Variants in CGNL1 observed in about 807,000 individuals in gnomAD.
CGNL1 encodes the protein cingulin like 1.
In CGNL1, 132 loss-of-function variants were observed where a neutral mutation model predicts 141.2. The observed-to-expected ratio is 0.93, with a 90% confidence interval of 0.81 to 1.08. CGNL1 has a LOEUF of 1.08. Among genes scored for constraint, CGNL1 ranks in the 50% least tolerant of loss-of-function variants. The pLI, the probability that CGNL1 is intolerant of heterozygous loss-of-function variation, is 0.00. For missense variants in CGNL1, 1,870 were observed against 1,588.6 expected (o/e 1.18, Z -3.01); for synonymous variants, 690 against 622.1 (o/e 1.11, Z -1.63).
rs749831898 is a variant in CGNL1 at position 57,516,954 on chromosome 15, G to T, written c.2578G>T (p.Ala860Ser). Residue 860 changes from alanine to serine, a missense_variant, in exon 9 of 19, where the codon GCC (alanine) becomes TCC (serine). Coordinates refer to ENST00000281282, the MANE Select transcript of CGNL1 (RefSeq NM_032866.5). ...RQIEDLKGDE[A>S]KAKETLKKYE... ...GATCGAGGACCTGAAAGGCGATGAA[G>T]CCAAGGCGAAGGAAACGCTGAAGAA... The T allele has an allele frequency of 1.2e-6, 2 of 1,613,540 alleles. No homozygotes were observed. The highest frequency in any genetic ancestry group is 2.2e-5 in the South Asian group (2 of 91,050).
chr15:57,470,791 G>C (rs2063572401), intron 8 of CGNL1, among the ~76,000 whole-genome samples: 1 of 152,152 alleles, frequency 6.6e-6, no homozygotes, highest in Non-Finnish European at 1.5e-5. Context: ...ACAAAGTTAT[G>C]GTTGCTGTGG....
At chr15:57,492,908 C>G (rs2063886661) in intron 8 of CGNL1, among the ~76,000 whole-genome samples, 1 of 152,208 alleles carries the variant, frequency 6.6e-6, no homozygotes, top group South Asian at 2.1e-4. Flanking sequence ...AATAATTGTC[C>G]CAGAGTCTTG....
At chr15:57,498,552 T>C (rs920569746) in intron 8 of CGNL1, among the ~76,000 whole-genome samples, 2 of 152,144 alleles carry the variant, frequency 1.3e-5, no homozygotes, top group Admixed American at 6.5e-5. Context: ...TTTTCTTTTT[T>C]TGAGTATTTA....
intron 10 of CGNL1, among the ~76,000 whole-genome samples, chr15:57,522,776 A>G (rs1201587060): frequency 6.6e-6 from 1 of 152,216 alleles, no homozygotes; most frequent in African/African-American, 2.4e-5. Flanking sequence ...TATTGCACTC[A>G]AGATAGTTGT....
At chr15:57,522,606 A>T (rs144579711) in intron 10 of CGNL1, among the ~76,000 whole-genome samples, 1 of 152,192 alleles carries the variant, frequency 6.6e-6, no homozygotes, top group Non-Finnish European at 1.5e-5. Flanking sequence ...TCTTCTTATT[A>T]TCCTTGTACC....
chr15:57,482,867 C>A (rs1444097273), intron 8 of CGNL1, among the ~76,000 whole-genome samples: 1 of 152,046 alleles, frequency 6.6e-6, no homozygotes, highest in African/African-American at 2.4e-5. Context: ...TCACTGCAAC[C>A]TCTGCCTTCC....
At chr15:57,529,819 G>A (rs143568635) in intron 13 of CGNL1, among the ~76,000 whole-genome samples, 51 of 152,266 alleles carry the variant, frequency 3.3e-4, no homozygotes, top group South Asian at 6.2e-4. Flanking sequence ...TTTTCAAAAC[G>A]TCCAGGGGAC....
Position 57,546,284 on chromosome 15 carries a change from A to T in CGNL1, c.3773+45A>T, listed in dbSNP as rs1393731021. ...ACAGAGGGCCGGGTAATCTCCCCAC[A>T]GTTGAGACAGGCTCTGCTTTCAGAG... On this transcript the variant is annotated intron_variant, in intron 18 of 18. Transcript: ENST00000281282. 12 of 1,513,460 alleles carry T rather than the reference A, an allele frequency of 7.9e-6. No individual in the cohort carries two copies. In the East Asian group the frequency reaches 9.9e-5, roughly 12 times the overall value. The allele number at this position is 1,513,460 out of a possible 1,614,324, so 93.8% of individuals were successfully genotyped here.
chr15:57,386,026 G>A (rs1219405741), intron 1 of CGNL1, among the ~76,000 whole-genome samples: 2 of 152,254 alleles, frequency 1.3e-5, no homozygotes, highest in Non-Finnish European at 2.9e-5. Flanking sequence ...CTTAAGTAGG[G>A]TGGAAAGAAT....
At chr15:57,468,559 C>CGTGTGTGTGT (rs67758921) in intron 8 of CGNL1, among the ~76,000 whole-genome samples, 32 of 145,954 alleles carry the variant, frequency 2.2e-4, no homozygotes, top group African/African-American at 7.6e-4. Context: ...AAAAAGTTTG[C>CGTGTGTGTGT]GTGTGTGTGT....
chr15:57,545,356 T>C (rs1321882511), intron 16 of CGNL1, among the ~76,000 whole-genome samples: 5 of 152,258 alleles, frequency 3.3e-5, no homozygotes, highest in Admixed American at 3.3e-4. Context: ...GGTCGAGCCA[T>C]GGCTCAGCCC....
intron 6 of CGNL1, 101 bp from the exon 7 acceptor site, chr15:57,453,582 G>T: frequency 2.1e-6 from 3 of 1,458,738 alleles, no homozygotes; most frequent in South Asian, 1.3e-5. Flanking sequence ...GCTCCTTGGG[G>T]CTTTAGAGAC....
At chr15:57,531,579 A>T in intron 13 of CGNL1, 111 bp from the exon 14 acceptor site, 1 of 705,902 alleles carries the variant, frequency 1.4e-6, no homozygotes, top group South Asian at 1.7e-5. Context: ...CCAAACTCTA[A>T]TGGTAGTTAG....
At chr15:57,490,071 C>A (rs1229846232) in intron 8 of CGNL1, among the ~76,000 whole-genome samples, 1 of 152,106 alleles carries the variant, frequency 6.6e-6, no homozygotes, top group African/African-American at 2.4e-5. Flanking sequence ...AATTTCTCTA[C>A]TGTAGACTGG....
At position 57,469,072 on chromosome 15, in the gene CGNL1, A is replaced by G. The variant is rs543165064; in HGVS notation, c.2403+7180A>G. On this transcript the variant is annotated intron_variant, in intron 8 of 18. Transcript: ENST00000281282. ...CAGCAGTGTGAAAATGGACTAATAC[A>G]GAGACCTAATGTGGGGACATTACTT... 5.9e-5 allele frequency among the ~76,000 whole-genome samples: 9 copies of G among 152,250 alleles called. 1 individual carries two copies. The highest frequency in any genetic ancestry group is 5.9e-4 in the Admixed American group (9 of 15,294).
chr15:57,498,785 A>T (rs546561569), intron 8 of CGNL1, among the ~76,000 whole-genome samples: 1 of 152,064 alleles, frequency 6.6e-6, no homozygotes, highest in Non-Finnish European at 1.5e-5. Flanking sequence ...CAGAGTCTTC[A>T]GGCAGACACG....
In CGNL1 at chr15:57,493,121, AG is replaced by A. The variant is rs199603315; in HGVS notation, c.2404-23658del. 7.0e-3 allele frequency among the ~76,000 whole-genome samples: 1,060 copies of A among 152,344 alleles called. 10 individuals are homozygous for A. The highest frequency in any genetic ancestry group is 0.012 in the Non-Finnish European group (817 of 68,030). On this transcript the variant is annotated intron_variant, in intron 8 of 18. Transcript: ENST00000281282. ...ATAATAAATACATTAGACCAATATT[AG>A]TACTTTAGATAGTGAGTTTATGATT... is the stretch of plus-strand genomic sequence containing the variant.
Position 57,438,926 on chromosome 15 carries a change from G to A in CGNL1, c.927G>A (p.Leu309=). 4 of 1,614,136 alleles carry A rather than the reference G, an allele frequency of 2.5e-6. No homozygotes were observed. Among genetic ancestry groups the A allele is most frequent in the Non-Finnish European group, 3.4e-6 (4 of 1,180,034 alleles). The part of the protein sequence containing the change: ...SSTTPTSANS[L]YRFLLDDQEC... Reference sequence around the variant, plus strand: ...CAACTCCCACGTCAGCCAACTCTTTGTACAGGTTTTTACTGGATGATCAGG... The same window carrying A: ...CAACTCCCACGTCAGCCAACTCTTTATACAGGTTTTTACTGGATGATCAGG... Residue 309 remains leucine (L), a synonymous_variant, in exon 2 of 19, where the codon TTG becomes TTA. Transcript: ENST00000281282.
intron 4 of CGNL1, among the ~76,000 whole-genome samples, chr15:57,447,805 C>CGT (rs3985737): frequency 0.22 from 31,300 of 144,098 alleles, 3,396 homozygotes; most frequent in Middle Eastern, 0.26. Context: ...TCTCTCTTTT[C>CGT]GTGTGTGTGT....
Sources: gnomAD v4.1 joint callset for allele counts (sites outside exome capture counted in the v4.1 genomes callset) on GRCh38, gnomAD v4.1.1 for gene constraint, MANE v1.5 for transcripts, NCBI Gene and HGNC (gene_info 2026-07-23, HGNC 2026-07-21) for gene names.